Variants in NME8 observed in about 807,000 individuals in gnomAD.
NME8 encodes the protein NME/NM23 family member 8.
In NME8, 72 loss-of-function variants were observed where a neutral mutation model predicts 82.3. The observed-to-expected ratio is 0.87, with a 90% CI of 0.72 to 1.06. The LOEUF (loss-of-function observed/expected upper bound fraction) is 1.06. NME8 is among the 50% of genes least tolerant of loss of function. The probability of loss-of-function intolerance (pLI) is 0.00; values close to 1 mark genes in which losing one functional copy is unlikely to be tolerated. For missense variants in NME8, 712 were observed against 685.4 expected, an observed-to-expected ratio of 1.04 and a Z score of -0.43; for synonymous variants, 267 against 228.5, an observed-to-expected ratio of 1.17 and a Z score of -1.52.
rs115713290 is a variant in NME8, at chr7:37,859,825, T to G, written c.271-2203T>G. Among the ~76,000 whole-genome samples, 974 of 152,282 alleles carry G rather than the reference T, an allele frequency of 6.4e-3. 9 individuals carry two copies. Among genetic ancestry groups the G allele is most frequent in the African/African-American group, 0.022 (911 of 41,552 alleles). On this transcript the variant is annotated intron_variant, in intron 6 of 17. Transcript: ENST00000199447. ...CTCCTGGCTGCTAATAAACTTTTCT[T>G]CCAATAAACTTCATCGAATCACTCC...
chr7:37,896,826 A>C (rs1785235704), intron 16 of NME8, 44 bp from the exon 17 acceptor site: 1 of 1,533,220 alleles, frequency 6.5e-7, no homozygotes, highest in African/African-American at 1.4e-5. Flanking sequence ...CAGTGTCAAC[A>C]GTTTTCAGTA....
At chr7:37,876,684 A>C in intron 11 of NME8, 148 bp from the exon 12 acceptor site, 1 of 625,346 alleles carries the variant, frequency 1.6e-6, no homozygotes, top group Non-Finnish European at 2.8e-6. Flanking sequence ...CTTGGATATA[A>C]TAGGGAGATG....
rs144273423 is a variant in NME8 at position 37,888,346 on chromosome 7, C to T, written c.1317C>T (p.Thr439=). Residue 439 remains threonine, a synonymous_variant, in exon 15 of 18, where the codon ACC becomes ACT. Coordinates refer to ENST00000199447, the MANE Select transcript of NME8 (RefSeq NM_016616.5). ...TGTATGGCAGCGATTCATTAGAAAC[C>T]GCTGAAAGGGAAATACAGCATTTCT... ...NQLYGSDSLE[T]AEREIQHFFP... The T allele has an allele frequency of 1.6e-4, 262 of 1,613,426 alleles. 1 individual carries two copies. In the African/African-American group the frequency reaches 2.9e-3, roughly 18 times the overall value.
chr7:37,884,182 CT>C lies in NME8; in HGVS notation c.995-118del, dbSNP rs1338517947. ...AAACCTAAGAAGGTATTTCTGCAAACTTTCAAAATTTCGTATGAGAATAAAG... is the reference window on the plus strand; with the variant it reads ...AAACCTAAGAAGGTATTTCTGCAAACTTCAAAATTTCGTATGAGAATAAAG... On this transcript the variant is annotated intron_variant, in intron 12 of 17. Coordinates refer to ENST00000199447, the MANE Select transcript of NME8 (RefSeq NM_016616.5). 7 of 721,110 alleles carry C rather than the reference CT, an allele frequency of 9.7e-6. No homozygotes were observed. In the African/African-American group the frequency reaches 1.3e-4, roughly 13 times the overall value. The allele number at this position is 721,110 out of a possible 1,614,324, so 44.7% of individuals were successfully genotyped here.
chr7:37,894,858 C>T (rs1482802722), intron 16 of NME8, among the ~76,000 whole-genome samples: 1 of 150,766 alleles, frequency 6.6e-6, no homozygotes, highest in East Asian at 2.0e-4. Flanking sequence ...TTTCCTTTCT[C>T]CCTTTCCTTC....
rs35884288 is a variant in NME8, at chr7:37,870,588, C to CA, written c.818+2710dup. ...TGGGTGACAGAGTGAGACTCCATCT[C>CA]AAAAAAAAAAAAAAAAAAAAGTTTA... is the stretch of plus-strand genomic sequence containing the variant. On this transcript the variant is annotated intron_variant, in intron 11 of 17. Coordinates refer to ENST00000199447, the MANE Select transcript of NME8 (RefSeq NM_016616.5). Among the ~76,000 whole-genome samples, 634 of 97,504 alleles carry CA rather than the reference C, an allele frequency of 6.5e-3. 4 individuals carry two copies. The highest frequency in any genetic ancestry group is 0.01 in the Non-Finnish European group (497 of 47,438). The allele number at this position is 97,504 out of a possible 152,430, so 64.0% of individuals were successfully genotyped here.
In NME8 at chr7:37,885,324, A is replaced by G; in HGVS notation, c.1247+72A>G. ...TTAAACACCTTTTTAGATGTAGAGT[A>G]TTGGAACCACAGCTCTAGTCCAAGG... is the stretch of plus-strand genomic sequence containing the variant. On this transcript the variant is annotated intron_variant, in intron 14 of 17. Coordinates refer to ENST00000199447, the MANE Select transcript of NME8 (RefSeq NM_016616.5). 3.2e-6 allele frequency: 3 copies of G among 927,384 alleles called. No individual in the cohort carries two copies. The Admixed American group carries it at 5.7e-5, about 18-fold the overall frequency. 57.4% of individuals were successfully genotyped at this position (927,384 alleles called of 1,614,324 possible).
intron 11 of NME8, among the ~76,000 whole-genome samples, chr7:37,876,412 A>C (rs1353993016): frequency 6.8e-6 from 1 of 146,354 alleles, no homozygotes; most frequent in Admixed American, 6.8e-5. Flanking sequence ...AAAATTGGAA[A>C]TAAACAATAA....
intron 12 of NME8, among the ~76,000 whole-genome samples, chr7:37,882,476 G>A (rs954750399): frequency 6.6e-6 from 1 of 150,386 alleles, no homozygotes; most frequent in African/African-American, 2.5e-5. Context: ...GACAGAGTGA[G>A]ACCCTGTCAA....
rs1374737719 is a variant in NME8, at chr7:37,885,281, G to A, written c.1247+29G>A. ...GGATTCATACCATGGGTCACTATCTGTTTTCGTGGGCTCCATTTTAAACAC... is the reference window on the plus strand; with the variant it reads ...GGATTCATACCATGGGTCACTATCTATTTTCGTGGGCTCCATTTTAAACAC... On this transcript the variant is annotated intron_variant, in intron 14 of 17. Transcript: ENST00000199447. 2.2e-6 allele frequency: 3 copies of A among 1,345,718 alleles called. No individual in the cohort carries two copies. In the South Asian group the frequency reaches 3.5e-5, roughly 16 times the overall value. 83.4% of individuals were successfully genotyped at this position (1,345,718 alleles called of 1,614,324 possible).
At chr7:37,877,610 T>C (rs1784876409) in intron 12 of NME8, among the ~76,000 whole-genome samples, 1 of 152,206 alleles carries the variant, frequency 6.6e-6, no homozygotes, top group Non-Finnish European at 1.5e-5. Flanking sequence ...AGGAGCTTTC[T>C]AGGAGCTTTG....
intron 9 of NME8, 75 bp downstream of exon 9, chr7:37,864,496 C>T (rs1050171544): frequency 5.7e-6 from 8 of 1,409,696 alleles, no homozygotes; most frequent in Admixed American, 4.1e-5. Flanking sequence ...CAAAGACAAG[C>T]GTACCATTTA....
chr7:37,863,361 CTG>C (rs756293602), intron 7 of NME8, 33 bp from the exon 8 acceptor site: 6 of 1,249,736 alleles, frequency 4.8e-6, no homozygotes, highest in Admixed American at 1.7e-5. Flanking sequence ...TAAAACATAA[CTG>C]TGTTATCTTT....
At chr7:37,850,595 A>G (rs1262470015) in intron 4 of NME8, 34 bp from the exon 5 acceptor site, 10 of 1,553,810 alleles carry the variant, frequency 6.4e-6, no homozygotes, top group Non-Finnish European at 8.9e-6. Flanking sequence ...AGATTGGTAG[A>G]CTTTGTTATT....
chr7:37,886,717 G>A (rs948220297), intron 14 of NME8, among the ~76,000 whole-genome samples: 4 of 152,108 alleles, frequency 2.6e-5, no homozygotes, highest in African/African-American at 9.7e-5. Context: ...AAGTGCTCAG[G>A]ATGACTCAGG....
At chr7:37,871,239 G>C (rs1465266232) in intron 11 of NME8, among the ~76,000 whole-genome samples, 1 of 152,130 alleles carries the variant, frequency 6.6e-6, no homozygotes, top group East Asian at 1.9e-4. Context: ...ACATGCTGTG[G>C]GGAAACTCTC....
intron 15 of NME8, among the ~76,000 whole-genome samples, chr7:37,889,408 T>C (rs550085595): frequency 6.6e-6 from 1 of 151,702 alleles, no homozygotes; most frequent in Non-Finnish European, 1.5e-5. Context: ...TTTTTTCTTA[T>C]GTTCTTCTAG....
chr7:37,857,410 T>C (rs1784527455), intron 6 of NME8, 65 bp downstream of exon 6: 1 of 1,035,946 alleles, frequency 9.7e-7, no homozygotes, highest in Non-Finnish European at 1.5e-6. Flanking sequence ...ACAAGTAACA[T>C]TGTAAAATTA....
chr7:37,856,706 G>A (rs540894370), intron 5 of NME8, among the ~76,000 whole-genome samples: 1 of 152,268 alleles, frequency 6.6e-6, no homozygotes, highest in South Asian at 2.1e-4. Flanking sequence ...ATCTTTAAAA[G>A]TTGACTACTA....
Sources: allele counts gnomAD v4.1 joint callset (sites outside exome capture counted in the v4.1 genomes callset), GRCh38; gene constraint gnomAD v4.1.1; transcripts MANE v1.5; gene names NCBI Gene and HGNC (gene_info 2026-07-23, HGNC 2026-07-21).